PRH1: variants seen among roughly 807,000 people sequenced by gnomAD.
PRH1 encodes salivary acidic proline-rich phosphoprotein 1/2.
In PRH1, 7 loss-of-function variants were observed where a neutral mutation model predicts 7.9. The observed-to-expected ratio is 0.89, with a 90% CI of 0.50 to 1.67. The LOEUF (loss-of-function observed/expected upper bound fraction) is 1.67. Among genes scored for constraint, PRH1 ranks in the 40% most tolerant of loss-of-function variants. PRH1 has a pLI of 0.00. For synonymous variants in PRH1, 45 were observed against 80.8 expected, an observed-to-expected ratio of 0.56 and a Z score of 2.38; for missense variants, 109 against 223.6, an observed-to-expected ratio of 0.49 and a Z score of 3.27.
intron 1 of PRH1, among the ~76,000 whole-genome samples, chr12:11,043,373 A>G (rs777960645): frequency 2.6e-5 from 4 of 152,214 alleles, no homozygotes; most frequent in Non-Finnish European, 5.9e-5. Flanking sequence ...CTTTCCTCTA[A>G]GATCTGGAAC....
At chr12:11,133,034 A>C in intron 1 of PRH1, 1 of 411,386 alleles carries the variant, frequency 2.4e-6, no homozygotes, top group South Asian at 9.5e-5. Context: ...ATAATTGAGG[A>C]ATTTTTGTCA....
chr12:10,986,243 G>C (rs760258562), intron 1 of PRH1: 1 of 1,614,108 alleles, frequency 6.2e-7, no homozygotes. Flanking sequence ...GCATCTTCTT[G>C]AGATGTTTAC....
chr12:11,134,050 A>G lies in PRH1; in HGVS notation n.40-12870T>C, dbSNP rs185576176. The G allele has an allele frequency of 6.8e-6, 11 of 1,614,020 alleles. No individual in the cohort carries two copies. The African/African-American group carries it at 9.3e-5, about 14-fold the overall frequency. On this transcript the variant is annotated intron_variant and non_coding_transcript_variant, in intron 1 of 1. Coordinates refer to the PRH1 transcript ENST00000541175. Reference sequence around the variant, plus strand: ...CTGGATTCAACTGAGTTGCATACCAATGTAGTAATAACACCCAGAGCAAAC... The same window carrying G: ...CTGGATTCAACTGAGTTGCATACCAGTGTAGTAATAACACCCAGAGCAAAC...
rs1420447883 is a variant in PRH1 at position 11,005,650 on chromosome 12, C to T, written c.-125-31929G>A. ...ACACAAACACACACATGCATACACG[C>T]CCCTCATGGATGGGAGGAATTATTG... is the stretch of plus-strand genomic sequence containing the variant. On this transcript the variant is annotated intron_variant, in intron 1 of 3. Transcript: ENST00000539853. Among the ~76,000 whole-genome samples the T allele has an allele frequency of 5.4e-4, 82 of 152,030 alleles. 1 individual carries two copies. The highest frequency in any genetic ancestry group is 1.6e-4 in the Non-Finnish European group (11 of 67,986).
intron 1 of PRH1, among the ~76,000 whole-genome samples, chr12:11,076,292 T>G (rs146221184): frequency 0.016 from 2,158 of 133,558 alleles, no homozygotes; most frequent in South Asian, 0.031. Flanking sequence ...ATAAAACATA[T>G]CATTAATACA....
intron 1 of PRH1, among the ~76,000 whole-genome samples, chr12:11,142,759 A>T (rs1005788254): frequency 6.6e-6 from 1 of 152,208 alleles, no homozygotes; most frequent in Non-Finnish European, 1.5e-5. Context: ...CTGGCAGCAG[A>T]CTTCTCAGTG....
At chr12:11,067,364 C>T (rs1330550058) in intron 1 of PRH1, among the ~76,000 whole-genome samples, 4 of 152,132 alleles carry the variant, frequency 2.6e-5, no homozygotes, top group Non-Finnish European at 5.9e-5. Flanking sequence ...ATATATTTAA[C>T]CTCCATCATA....
intron 1 of PRH1, among the ~76,000 whole-genome samples, chr12:11,162,355 C>G (rs1258150006): frequency 6.6e-6 from 1 of 152,154 alleles, no homozygotes; most frequent in African/African-American, 2.4e-5. Flanking sequence ...TTATTGTTGC[C>G]AGTCAGCCTG....
At chr12:10,974,519 T>C (rs781228135) in intron 1 of PRH1, among the ~76,000 whole-genome samples, 46 of 152,112 alleles carry the variant, frequency 3.0e-4, no homozygotes, top group Non-Finnish European at 4.0e-4. Flanking sequence ...GCGGGAGTGC[T>C]GAGCTGATCC....
At chr12:11,031,277 C>T in intron 1 of PRH1, 2 of 1,613,882 alleles carry the variant, frequency 1.2e-6, no homozygotes, top group Non-Finnish European at 1.7e-6. Context: ...AGCAAAATTT[C>T]CAATAACAAA....
intron 1 of PRH1, chr12:10,996,928 A>G: frequency 1.3e-6 from 2 of 1,568,500 alleles, no homozygotes; most frequent in East Asian, 2.3e-5. Context: ...GAAAACACAC[A>G]ATGCACCTCT....
intron 1 of PRH1, among the ~76,000 whole-genome samples, chr12:11,112,100 C>A (rs1945606214): frequency 6.6e-6 from 1 of 152,000 alleles, no homozygotes; most frequent in South Asian, 2.1e-4. Flanking sequence ...AAGTCTAAAC[C>A]AGGAAGAAGT....
intron 3 of PRH1, 149 bp downstream of exon 3, chr12:10,882,068 C>T (rs1208589489): frequency 6.9e-7 from 1 of 1,447,844 alleles, no homozygotes; most frequent in Non-Finnish European, 9.2e-7. Flanking sequence ...GGTCTTGATA[C>T]TCTATACAAG....
intron 1 of PRH1, among the ~76,000 whole-genome samples, chr12:10,979,939 G>A (rs1939275825): frequency 6.6e-6 from 1 of 152,154 alleles, no homozygotes; most frequent in African/African-American, 2.4e-5. Context: ...AAGGAAAGAT[G>A]AGTAATTTGG....
At chr12:11,131,006 T>C (rs1946324500) in intron 1 of PRH1, among the ~76,000 whole-genome samples, 1 of 152,248 alleles carries the variant, frequency 6.6e-6, no homozygotes, top group African/African-American at 2.4e-5. Flanking sequence ...CTGATCCAGA[T>C]CATCCTTCCA....
Position 11,031,280 on chromosome 12 carries a change from A to G in PRH1, c.-126+15740T>C, listed in dbSNP as rs765111857. On this transcript the variant is annotated intron_variant, in intron 1 of 3. Transcript: ENST00000539853. ...TATGAAGCCATTAGCAAAATTTCCAATAACAAATAGAACCACTACCACACT... is the reference window on the plus strand; with the variant it reads ...TATGAAGCCATTAGCAAAATTTCCAGTAACAAATAGAACCACTACCACACT... 2.1e-5 allele frequency: 34 copies of G among 1,613,890 alleles called. No homozygotes were observed. The Admixed American group carries it at 2.2e-4, about 10-fold the overall frequency.
At chr12:10,992,199 T>C (rs1277706865) in intron 1 of PRH1, among the ~76,000 whole-genome samples, 1 of 152,056 alleles carries the variant, frequency 6.6e-6, no homozygotes, top group African/African-American at 2.4e-5. Flanking sequence ...ACCACAAAAA[T>C]ATTCAGGAAA....
At chr12:11,160,261 C>T (rs6488355) in intron 1 of PRH1, among the ~76,000 whole-genome samples, 68,991 of 151,742 alleles carry the variant, frequency 0.45, 16,439 homozygotes, top group Non-Finnish European at 0.52. Context: ...AGAAATAAGT[C>T]CCTAAAATTA....
chr12:11,026,503 T>C (rs1238578486), intron 1 of PRH1, among the ~76,000 whole-genome samples: 1 of 146,168 alleles, frequency 6.8e-6, no homozygotes, highest in Non-Finnish European at 1.5e-5. Context: ...AAGGACATTA[T>C]TATAGCAGGA....
Sources: gnomAD v4.1 joint callset for allele counts (sites outside exome capture counted in the v4.1 genomes callset) on GRCh38, gnomAD v4.1.1 for gene constraint, MANE v1.5 for transcripts, NCBI Gene and HGNC (gene_info 2026-07-23, HGNC 2026-07-21) for gene names.